The following NRG1 variants were observed in gnomAD, a reference collection of about 807,000 sequenced individuals.
NRG1 encodes neuregulin 1.
NRG1 carries 18 observed loss-of-function variants against 63.8 expected under a neutral mutation model. That is an observed-to-expected ratio of 0.28 (90% CI 0.19 to 0.42). NRG1 has a LOEUF of 0.42. Ranked by LOEUF, NRG1 falls within the 10% of genes least tolerant of loss-of-function variation. The probability of loss-of-function intolerance (pLI) is 1.00; values close to 1 mark genes in which losing one functional copy is unlikely to be tolerated. For synonymous variants in NRG1, 302 were observed against 301.3 expected, an observed-to-expected ratio of 1.00 and a Z score of -0.02; for missense variants, 762 against 814.7, an observed-to-expected ratio of 0.94 and a Z score of 0.79.
At chr8:32,719,934 T>C (rs2976527) in intron 5 of NRG1, among the ~76,000 whole-genome samples, 101,224 of 151,980 alleles carry the variant, frequency 0.67, 34,898 homozygotes, top group Middle Eastern at 0.79. Context: ...TTTACAAAAA[T>C]TGACTTTCTA....
At chr8:32,725,631 A>G (rs556701604) in intron 5 of NRG1, among the ~76,000 whole-genome samples, 243 of 151,540 alleles carry the variant, frequency 1.6e-3, no homozygotes, top group Non-Finnish European at 2.8e-3. Flanking sequence ...GCACGCCACC[A>G]TGCTTAGCTA....
intron 1 of NRG1, among the ~76,000 whole-genome samples, chr8:32,468,946 C>T (rs1166743789): frequency 1.3e-5 from 2 of 152,120 alleles, no homozygotes; most frequent in South Asian, 2.1e-4. Context: ...CTGAGCACTG[C>T]GCTAGGACCT....
intron 5 of NRG1, among the ~76,000 whole-genome samples, chr8:32,670,519 A>C (rs146116068): frequency 6.6e-6 from 1 of 152,112 alleles, no homozygotes; most frequent in African/African-American, 2.4e-5. Context: ...CAACACACAC[A>C]CTCTCACACC....
rs1158508289 is a variant in NRG1, at chr8:31,796,414, C to CTTTTTTTTT, written c.37+157011_37+157019dup. On this transcript the variant is annotated intron_variant, in intron 1 of 10. Coordinates refer to the NRG1 transcript ENST00000519301. The stretch of plus-strand genomic sequence containing the variant: ...ATAACCAAATAAGATGGCGTATAAT[C>CTTTTTTTTT]TTTTTTTTTTTTTTTTTTTTTTTTT... Among the ~76,000 whole-genome samples, 28 of 43,376 alleles carry CTTTTTTTTT rather than the reference C, an allele frequency of 6.5e-4. 6 individuals are homozygous for CTTTTTTTTT. The highest frequency in any genetic ancestry group is 1.1e-3 in the Non-Finnish European group (28 of 24,460). 28.5% of individuals were successfully genotyped at this position (43,376 alleles called of 152,430 possible).
chr8:31,829,449 T>C (rs1283306881), intron 1 of NRG1, among the ~76,000 whole-genome samples: 1 of 152,210 alleles, frequency 6.6e-6, no homozygotes, highest in African/African-American at 2.4e-5. Flanking sequence ...GGACATTACA[T>C]AGCATGCGGA....
chr8:32,143,421 G>A (rs1836516302), intron 1 of NRG1, among the ~76,000 whole-genome samples: 1 of 152,122 alleles, frequency 6.6e-6, no homozygotes, highest in Admixed American at 6.5e-5. Flanking sequence ...TACAAAAAAT[G>A]TCTGTTCTTC....
At chr8:31,641,257 T>C (rs954669843) in intron 1 of NRG1, among the ~76,000 whole-genome samples, 5 of 152,058 alleles carry the variant, frequency 3.3e-5, no homozygotes, top group Non-Finnish European at 5.9e-5. Context: ...GGCAACTCAA[T>C]GTCCAGCAGA....
intron 1 of NRG1, among the ~76,000 whole-genome samples, chr8:32,476,779 C>T (rs554952104): frequency 1.3e-5 from 2 of 152,138 alleles, no homozygotes; most frequent in South Asian, 2.1e-4. Flanking sequence ...GACAGCTTTT[C>T]TTAAGCTCCA....
At chr8:32,251,407 G>A (rs2200044) in intron 1 of NRG1, among the ~76,000 whole-genome samples, 102,501 of 152,012 alleles carry the variant, frequency 0.67, 34,998 homozygotes, top group Admixed American at 0.76. Flanking sequence ...TTATGGTTGC[G>A]TAGTATTTTG....
At chr8:32,118,341 C>G (rs1462840541) in intron 1 of NRG1, among the ~76,000 whole-genome samples, 2 of 151,728 alleles carry the variant, frequency 1.3e-5, no homozygotes, top group Non-Finnish European at 2.9e-5. Flanking sequence ...TTAAAAAGAG[C>G]CTGGTTCCTC....
intron 1 of NRG1, among the ~76,000 whole-genome samples, chr8:32,047,791 ACT>A (rs1471665850): frequency 2.7e-5 from 4 of 150,120 alleles, no homozygotes; most frequent in Non-Finnish European, 5.9e-5. Context: ...CTTTACATTT[ACT>A]CTTTTTTTTT....
intron 1 of NRG1, among the ~76,000 whole-genome samples, chr8:31,883,861 T>C (rs1179314765): frequency 6.6e-6 from 1 of 152,106 alleles, no homozygotes; most frequent in Non-Finnish European, 1.5e-5. Flanking sequence ...GACGGAATGG[T>C]CTCTTAATAG....
At chr8:31,771,393 G>GT (rs893416028) in intron 1 of NRG1, among the ~76,000 whole-genome samples, 6 of 151,912 alleles carry the variant, frequency 3.9e-5, no homozygotes, top group African/African-American at 1.2e-4. Flanking sequence ...GGGCATTTGG[G>GT]TTTTTTTCCC....
At chr8:31,909,008 T>C (rs1832736465) in intron 1 of NRG1, among the ~76,000 whole-genome samples, 1 of 152,120 alleles carries the variant, frequency 6.6e-6, no homozygotes, top group Non-Finnish European at 1.5e-5. Context: ...GTAGAAACAA[T>C]AAACACAGTT....
At chr8:32,545,196 G>C (rs1189227526), upstream of NRG1, among the ~76,000 whole-genome samples, 1 of 152,150 alleles carries the variant, frequency 6.6e-6, no homozygotes, top group Non-Finnish European at 1.5e-5. Flanking sequence ...TAGATTCTAA[G>C]AGTCCTTCTA....
At chr8:32,042,997 T>G (rs1047265824) in intron 1 of NRG1, among the ~76,000 whole-genome samples, 5 of 151,860 alleles carry the variant, frequency 3.3e-5, no homozygotes, top group African/African-American at 1.2e-4. Flanking sequence ...TGTATGAACA[T>G]GTACACAAAC....
chr8:31,777,442 G>A (rs911970168), intron 1 of NRG1, among the ~76,000 whole-genome samples: 4 of 152,200 alleles, frequency 2.6e-5, no homozygotes, highest in Non-Finnish European at 5.9e-5. Context: ...GGCATGCGTG[G>A]GGCAGAGCCC....
chr8:32,164,185 A>G (rs929678379), intron 1 of NRG1, among the ~76,000 whole-genome samples: 8 of 150,868 alleles, frequency 5.3e-5, no homozygotes, highest in Admixed American at 4.6e-4. Context: ...CATCTGACCT[A>G]TTATTATGTC....
intron 1 of NRG1, among the ~76,000 whole-genome samples, chr8:31,908,467 G>A (rs1004394850): frequency 1.3e-5 from 2 of 152,112 alleles, no homozygotes; most frequent in African/African-American, 4.8e-5. Flanking sequence ...AGGGGCCTTC[G>A]GGTATGTGCG....
Sources: allele counts gnomAD v4.1 joint callset (sites outside exome capture counted in the v4.1 genomes callset), GRCh38; gene constraint gnomAD v4.1.1; transcripts MANE v1.5; gene names NCBI Gene and HGNC (gene_info 2026-07-23, HGNC 2026-07-21).